Variants in MKRN2OS observed in about 807,000 individuals in gnomAD.
MKRN2OS encodes MKRN2 opposite strand, also known as MKRN2 opposite strand protein.
A neutral mutation model predicts 18.2 loss-of-function variants in MKRN2OS; 17 were observed. That is an observed-to-expected ratio of 0.93 (90% CI 0.64 to 1.40). The LOEUF is 1.40. Among genes scored for constraint, MKRN2OS ranks in the 40% most tolerant of loss-of-function variants. MKRN2OS has a pLI of 0.00. For missense variants in MKRN2OS, 337 were observed against 283.0 expected (o/e 1.19, Z -1.37); for synonymous variants, 121 against 108.5 (o/e 1.12, Z -0.72).
chr3:12,548,404 C>CA (rs57308329), upstream of MKRN2OS, among the ~76,000 whole-genome samples: 83,937 of 147,306 alleles, frequency 0.57, 26,271 homozygotes, highest in African/African-American at 0.84. Flanking sequence ...GCCGAGATCG[C>CA]GCCACTGCAC....
At chr3:12,543,096 A>G in intron 2 of MKRN2OS, 84 bp downstream of exon 2, 1 of 1,084,744 alleles carries the variant, frequency 9.2e-7, no homozygotes. Flanking sequence ...CACTTATTAG[A>G]TGTTGCCATA....
intron 1 of MKRN2OS, among the ~76,000 whole-genome samples, chr3:12,557,552 G>A (rs1432522245): frequency 1.3e-5 from 2 of 152,230 alleles, no homozygotes; most frequent in Non-Finnish European, 2.9e-5. Flanking sequence ...CCGAGAGGAC[G>A]GTTACAAATG....
At chr3:12,547,078 A>AC (rs980862307), upstream of MKRN2OS, among the ~76,000 whole-genome samples, 3 of 151,968 alleles carry the variant, frequency 2.0e-5, no homozygotes, top group Non-Finnish European at 4.4e-5. Flanking sequence ...ACTGTGCTCT[A>AC]GCCTGGGCGA....
chr3:12,556,488 G>C (rs1461439473), intron 1 of MKRN2OS, among the ~76,000 whole-genome samples: 1 of 152,188 alleles, frequency 6.6e-6, no homozygotes, highest in Non-Finnish European at 1.5e-5. Context: ...GGTATAGAGA[G>C]CTAGAGGGAA....
At chr3:12,540,968 G>A (rs2125286804) in intron 3 of MKRN2OS, among the ~76,000 whole-genome samples, 1 of 150,662 alleles carries the variant, frequency 6.6e-6, no homozygotes, top group Admixed American at 6.6e-5. Flanking sequence ...GACTCACCCA[G>A]ATGTTCAGAG....
chr3:12,543,686 G>T (rs2057847273), intron 1 of MKRN2OS, among the ~76,000 whole-genome samples: 1 of 151,232 alleles, frequency 6.6e-6, no homozygotes, highest in African/African-American at 2.5e-5. Context: ...AGGAGTTCGA[G>T]ACCAGCCTGG....
At chr3:12,542,135 A>C in intron 2 of MKRN2OS, 113 bp from the exon 3 acceptor site, 1 of 1,100,562 alleles carries the variant, frequency 9.1e-7, no homozygotes, top group Non-Finnish European at 1.3e-6. Flanking sequence ...ACATAAATCC[A>C]GGGTGGAGGT....
At chr3:12,541,439 G>T (rs530650932) in intron 3 of MKRN2OS, among the ~76,000 whole-genome samples, 1 of 152,072 alleles carries the variant, frequency 6.6e-6, no homozygotes, top group African/African-American at 2.4e-5. Flanking sequence ...GGCTGGTCTC[G>T]AACTTCTGAC....
Position 12,543,249 on chromosome 3 carries a change from T to TG in MKRN2OS, c.219-21_219-20insC. 1 of 1,455,212 alleles carries TG rather than the reference T, an allele frequency of 6.9e-7. No individual in the cohort carries two copies. Among genetic ancestry groups the TG allele is most frequent in the Admixed American group, 2.4e-5 (1 of 42,352 alleles). 90.1% of individuals were successfully genotyped at this position (1,455,212 alleles called of 1,614,324 possible). A position where few individuals can be genotyped will look rare whatever the true frequency, so the allele number is the denominator to read the frequency against. On this transcript the variant is annotated intron_variant, in intron 1 of 3. Transcript: ENST00000564146. ...TACTCTCTGAAAGAAACAAGGTTTG[T>TG]TTTTTTTTGGTTTGCATGTATTTGG... is the stretch of plus-strand genomic sequence containing the variant.
upstream of MKRN2OS, among the ~76,000 whole-genome samples, chr3:12,550,296 A>T (rs759084376): frequency 6.6e-6 from 1 of 152,210 alleles, no homozygotes; most frequent in Non-Finnish European, 1.5e-5. Flanking sequence ...ACATGGAGGA[A>T]ACTTAAATGC....
chr3:12,555,698 T>C (rs1283928111), intron 1 of MKRN2OS, among the ~76,000 whole-genome samples: 1 of 152,210 alleles, frequency 6.6e-6, no homozygotes, highest in South Asian at 2.1e-4. Flanking sequence ...TTGTAAAGTA[T>C]TGCCTGGGAA....
intron 1 of MKRN2OS, chr3:12,557,231 C>G (rs1260583546): frequency 2.6e-6 from 4 of 1,517,154 alleles, no homozygotes; most frequent in South Asian, 1.2e-5. Context: ...GCAGGGGGGC[C>G]GGTGCGCGCC....
At chr3:12,542,316 C>T (rs1026992524) in intron 2 of MKRN2OS, among the ~76,000 whole-genome samples, 3 of 152,180 alleles carry the variant, frequency 2.0e-5, no homozygotes, top group Non-Finnish European at 4.4e-5. Context: ...CAATGATAGG[C>T]ACCAGGATCA....
chr3:12,552,977 C>T (rs546826459), downstream of MKRN2OS, among the ~76,000 whole-genome samples: 4 of 140,212 alleles, frequency 2.9e-5, no homozygotes, highest in African/African-American at 5.5e-5. Context: ...GATCACACCA[C>T]GGCACTCCAG....
exon 1 of MKRN2OS, chr3:12,560,773 G>C (rs2058030659): frequency 6.6e-6 from 1 of 152,308 alleles, no homozygotes; most frequent in Non-Finnish European, 1.5e-5. Context: ...TGAGTCTCCA[G>C]CTATGCACTT....
downstream of MKRN2OS, among the ~76,000 whole-genome samples, chr3:12,550,803 C>T (rs181751595): frequency 6.4e-4 from 94 of 146,290 alleles, 1 homozygote; most frequent in East Asian, 0.016. Context: ...CACCTGCCAC[C>T]GGTAACATAT....
At chr3:12,544,540 G>A (rs1164697874) in intron 1 of MKRN2OS, among the ~76,000 whole-genome samples, 1 of 152,050 alleles carries the variant, frequency 6.6e-6, no homozygotes, top group Non-Finnish European at 1.5e-5. Flanking sequence ...GCCGGGTGTG[G>A]TGGTGGGCGC....
chr3:12,540,248 A>T lies in MKRN2OS; in HGVS notation c.617T>A (p.Val206Asp), dbSNP rs138204787. ...YRAIREHGFYVTDCPQQQAQP... is the reference protein window; with the variant it reads ...YRAIREHGFYDTDCPQQQAQP... ...TGCCTGCTGCTGGGGACAGTCAGTG[A>T]CGTAGAAGCCATGCTCCCGTATCGC... Residue 206 changes from valine (V) to aspartate (D), a missense_variant, in exon 4 of 4, where the codon GTC (valine) becomes GAC (aspartate). By Grantham distance (152) the Val-to-Asp change is radical (BLOSUM62 -3). Transcript: ENST00000564146. 3.5e-4 allele frequency: 530 copies of T among 1,536,164 alleles called. 2 individuals are homozygous for T. In the African/African-American group the frequency reaches 6.0e-3, roughly 17 times the overall value.
upstream of MKRN2OS, among the ~76,000 whole-genome samples, chr3:12,549,236 C>A (rs537104927): frequency 6.6e-6 from 1 of 151,314 alleles, no homozygotes; most frequent in Non-Finnish European, 1.5e-5. Flanking sequence ...AGCCACCACA[C>A]CTGGCCTATG....
Sources: gnomAD v4.1 joint callset for allele counts (sites outside exome capture counted in the v4.1 genomes callset) on GRCh38, gnomAD v4.1.1 for gene constraint, MANE v1.5 for transcripts, NCBI Gene and HGNC (gene_info 2026-07-23, HGNC 2026-07-21) for gene names.